FKBP14: variants seen among roughly 807,000 people sequenced by gnomAD.
FKBP14 encodes the protein FKBP prolyl isomerase 14.
In FKBP14, 20 loss-of-function variants were observed where a neutral mutation model predicts 21.6. The ratio of observed to expected loss-of-function variants is 0.92; its 90% CI spans 0.65 to 1.34. The LOEUF (loss-of-function observed/expected upper bound fraction) is 1.34. Among genes scored for constraint, FKBP14 ranks in the 40% most tolerant of loss-of-function variants. FKBP14 has a pLI of 0.00. For synonymous variants in FKBP14, 79 were observed against 86.7 expected, an observed-to-expected ratio of 0.91 and a Z score of 0.49; for missense variants, 253 against 249.0, an observed-to-expected ratio of 1.02 and a Z score of -0.11.
chr7:30,026,282 C>A (rs762420630), intron 1 of FKBP14, 30 bp downstream of exon 1: 1 of 1,573,904 alleles, frequency 6.4e-7, no homozygotes, highest in Non-Finnish European at 8.7e-7. Context: ...TTCTTAATTA[C>A]TATTTTACCT....
intron 3 of FKBP14, among the ~76,000 whole-genome samples, chr7:30,017,587 A>T (rs1323306649): frequency 1.3e-5 from 2 of 151,940 alleles, no homozygotes; most frequent in African/African-American, 4.8e-5. Flanking sequence ...AAAACAGTAA[A>T]TAATAGAGAT....
chr7:30,022,604 G>A (rs1028493456), intron 2 of FKBP14, 61 bp downstream of exon 2: 7 of 1,510,832 alleles, frequency 4.6e-6, no homozygotes, highest in South Asian at 2.6e-5. Context: ...TCTAACTTCT[G>A]TCTCCTAATC....
In FKBP14 at chr7:30,011,914, T is replaced by G. The variant is rs190217699; in HGVS notation, c.*2821A>C. 3.5e-4 allele frequency: 53 copies of G among 152,302 alleles called. 1 individual carries two copies. The highest frequency in any genetic ancestry group is 3.4e-3 in the Middle Eastern group (1 of 294). The allele number at this position is 152,302 out of a possible 1,614,324, so 9.4% of individuals were successfully genotyped here. On this transcript the variant is annotated 3_prime_UTR_variant, in exon 4 of 4. Transcript: ENST00000222803. ...TGTTATTGTTGTAGTATCTTTTCTG[T>G]GTTTAGATGTTTGAATAAACAGACA... is the stretch of plus-strand genomic sequence containing the variant.
At chr7:30,020,076 T>C (rs1789990182) in intron 2 of FKBP14, 1 of 223,562 alleles carries the variant, frequency 4.5e-6, no homozygotes. Context: ...CTTGTTTCCT[T>C]ATAACTATAT....
Position 30,022,703 on chromosome 7 carries a change from A to G in FKBP14, c.311T>C (p.Ile104Thr), listed in dbSNP as rs768836771. Residue 104 changes from isoleucine (I) to threonine (T), a missense_variant, in exon 2 of 4, where the codon ATC becomes ACC. Physicochemically the swap from Ile to Thr is moderately conservative, Grantham distance 89. Transcript: ENST00000222803. ...GMCVGEKRKL[I>T]IPPALGYGKE... is the part of the protein sequence containing the mutation. The stretch of plus-strand genomic sequence containing the variant: ...TCCATAGCCCAGAGCAGGAGGAATG[A>G]TGAGCTTTCTCTTCTCTCCTACACA... The G allele has an allele frequency of 6.2e-7, 1 of 1,614,122 alleles. No homozygotes were observed. Among genetic ancestry groups the G allele is most frequent in the South Asian group, 1.1e-5 (1 of 91,074 alleles).
downstream of FKBP14, among the ~76,000 whole-genome samples, chr7:30,008,670 G>GGCAACA (rs1789656264): frequency 8.5e-6 from 1 of 118,336 alleles, no homozygotes; most frequent in Non-Finnish European, 1.7e-5. Flanking sequence ...GCAGTGAGCT[G>GGCAACA]AGATTTAAAA....
At position 30,014,859 on chromosome 7, in the gene FKBP14, T is replaced by A. The variant is rs147665999; in HGVS notation, c.512A>T (p.His171Leu). 6.3e-7 allele frequency: 1 copy of A among 1,598,326 alleles called. No individual in the cohort carries two copies. Among genetic ancestry groups the A allele is most frequent in the East Asian group, 2.2e-5 (1 of 44,688 alleles). The change falls in exon 4 of 4, where the codon CAT becomes CTT. Residue 171 changes from histidine (H) to leucine (L), a missense_variant. Physicochemically the swap from His to Leu is moderately conservative, Grantham distance 99. Transcript: ENST00000222803. ...ATGACTTTCATTCACCACCGCACCA[T>A]GTTTTTCAAACTCCTTCTTTAAATA... ...KAYLKKEFEKHGAVVNESHHD... is the reference protein window; with the variant it reads ...KAYLKKEFEKLGAVVNESHHD...
intron 3 of FKBP14, among the ~76,000 whole-genome samples, chr7:30,018,087 A>G (rs1756456710): frequency 6.6e-6 from 1 of 152,164 alleles, no homozygotes; most frequent in South Asian, 2.1e-4. Context: ...TATATATTCA[A>G]AATTATTTAA....
chr7:30,022,743 C>T lies in FKBP14; in HGVS notation c.271G>A (p.Gly91Ser). 6.2e-7 allele frequency: 1 copy of T among 1,614,146 alleles called. No individual in the cohort carries two copies. Among genetic ancestry groups the T allele is most frequent in the Non-Finnish European group, 8.5e-7 (1 of 1,180,022 alleles). Residue 91 changes from glycine (G) to serine (S), a missense_variant, in exon 2 of 4, where the codon GGC (glycine) becomes AGC (serine). Transcript: ENST00000222803. ...TCTCCTACACACATTCCTTTCAAGCCCTGGTCCCAACCTTTGAGAGCCTCC... is the reference window on the plus strand; with the variant it reads ...TCTCCTACACACATTCCTTTCAAGCTCTGGTCCCAACCTTTGAGAGCCTCC... ...ILEALKGWDQGLKGMCVGEKR... is the reference protein window; with the variant it reads ...ILEALKGWDQSLKGMCVGEKR...
intron 2 of FKBP14, among the ~76,000 whole-genome samples, chr7:30,021,671 T>C (rs546288457): frequency 6.8e-4 from 103 of 152,214 alleles, no homozygotes; most frequent in Non-Finnish European, 1.1e-3. Context: ...TTCTCCTGCC[T>C]CAGCCTCCTA....
At chr7:30,018,953 C>A in intron 3 of FKBP14, 43 bp downstream of exon 3, 1 of 1,589,692 alleles carries the variant, frequency 6.3e-7, no homozygotes. Flanking sequence ...CCCCAAACAA[C>A]CAAAGAAAAG....
chr7:30,026,097 C>G (rs1317746025), intron 1 of FKBP14, among the ~76,000 whole-genome samples: 1 of 152,170 alleles, frequency 6.6e-6, no homozygotes, highest in Non-Finnish European at 1.5e-5. Flanking sequence ...AATTAACAGC[C>G]TTTTCCAGAC....
chr7:30,006,824 C>T (rs1017476663), downstream of FKBP14, among the ~76,000 whole-genome samples: 4 of 152,192 alleles, frequency 2.6e-5, no homozygotes, highest in Non-Finnish European at 2.9e-5. Flanking sequence ...ATCCTTAGAT[C>T]GGCTCAACTG....
intron 2 of FKBP14, among the ~76,000 whole-genome samples, chr7:30,020,049 CA>C (rs1454171312): frequency 2.6e-5 from 4 of 152,088 alleles, no homozygotes; most frequent in African/African-American, 9.7e-5. Context: ...GGAGTATGGA[CA>C]ATTGTTTTTC....
chr7:30,007,211 G>GT (rs10716152), downstream of FKBP14, among the ~76,000 whole-genome samples: 20 of 129,158 alleles, frequency 1.5e-4, no homozygotes, highest in Admixed American at 3.1e-4. Flanking sequence ...AAGTTCCTTT[G>GT]TTTTTTTTTT....
At chr7:30,018,442 G>A (rs949342979) in intron 3 of FKBP14, among the ~76,000 whole-genome samples, 2 of 152,194 alleles carry the variant, frequency 1.3e-5, no homozygotes, top group African/African-American at 2.4e-5. Context: ...TTTACCCAAA[G>A]GCTCAGATTT....
rs1789704649 is a variant in FKBP14, at chr7:30,010,874, G to A, written c.*3861C>T. On this transcript the variant is annotated 3_prime_UTR_variant, in exon 4 of 4. Coordinates refer to ENST00000222803, the MANE Select transcript of FKBP14 (RefSeq NM_017946.4). ...AAATTCAAAATTTAAATAGATAAAA[G>A]CTTATATAATAAGGATATAAGGAAA... 2.0e-5 allele frequency: 3 copies of A among 152,118 alleles called. No homozygotes were observed. The South Asian group carries it at 6.2e-4, about 32-fold the overall frequency. 9.4% of individuals were successfully genotyped at this position (152,118 alleles called of 1,614,324 possible).
chr7:30,005,990 G>C (rs902966270), downstream of FKBP14, among the ~76,000 whole-genome samples: 13 of 151,860 alleles, frequency 8.6e-5, no homozygotes, highest in African/African-American at 3.1e-4. Flanking sequence ...GTACTACAGA[G>C]AGCATTTCAA....
chr7:30,024,139 G>C (rs1323521191), intron 1 of FKBP14, among the ~76,000 whole-genome samples: 2 of 152,030 alleles, frequency 1.3e-5, no homozygotes. Flanking sequence ...AGAAAAAGAA[G>C]TCACTGTACT....
Sources: gnomAD v4.1 joint callset for allele counts (sites outside exome capture counted in the v4.1 genomes callset) on GRCh38, gnomAD v4.1.1 for gene constraint, MANE v1.5 for transcripts, NCBI Gene and HGNC (gene_info 2026-07-23, HGNC 2026-07-21) for gene names.